SYTL3: variants seen among roughly 807,000 people sequenced by gnomAD.
SYTL3 encodes synaptotagmin-like protein 3.
Under a neutral mutation model 82.1 loss-of-function variants are expected in SYTL3, and 88 were observed. The observed-to-expected ratio is 1.07, with a 90% CI of 0.90 to 1.28. The LOEUF is 1.28. Ranked by LOEUF, SYTL3 falls within the 50% of genes most tolerant of loss-of-function variation. The probability of loss-of-function intolerance (pLI) is 0.00; values close to 1 mark genes in which losing one functional copy is unlikely to be tolerated. For missense variants in SYTL3, 831 were observed against 757.6 expected, an observed-to-expected ratio of 1.10 and a Z score of -1.14; for synonymous variants, 311 against 289.4, an observed-to-expected ratio of 1.07 and a Z score of -0.76.
chr6:158,701,735 A>T (rs1199590739), intron 6 of SYTL3, among the ~76,000 whole-genome samples: 3 of 151,864 alleles, frequency 2.0e-5, no homozygotes, highest in Non-Finnish European at 4.4e-5. Context: ...AGAGTGCCAC[A>T]ACCTGGGGAT....
chr6:158,723,200 T>C (rs1784333987), intron 10 of SYTL3, among the ~76,000 whole-genome samples: 1 of 150,746 alleles, frequency 6.6e-6, no homozygotes, highest in African/African-American at 2.4e-5. Flanking sequence ...GTTCAAGTGA[T>C]TCTCCTGCCT....
intron 11 of SYTL3, 145 bp from the exon 12 acceptor site, chr6:158,745,335 A>C (rs1787488070): frequency 1.5e-6 from 1 of 688,886 alleles, no homozygotes; most frequent in Non-Finnish European, 2.3e-6. Flanking sequence ...TTATTTTGGC[A>C]AAGTACAAGC....
At chr6:158,760,543 G>C (rs576330713) in intron 14 of SYTL3, 97 bp from the exon 15 acceptor site, 3 of 1,023,694 alleles carry the variant, frequency 2.9e-6, no homozygotes, top group African/African-American at 3.2e-5. Context: ...GGGGCCAGGG[G>C]GAAGCATCTG....
At chr6:158,754,065 AG>A (rs1452700002) in intron 13 of SYTL3, among the ~76,000 whole-genome samples, 1 of 152,184 alleles carries the variant, frequency 6.6e-6, no homozygotes, top group African/African-American at 2.4e-5. Flanking sequence ...ACCTTTGTGC[AG>A]CACCCAGGCT....
chr6:158,661,457 C>T (rs1789367582), intron 3 of SYTL3, 72 bp downstream of exon 3: 1 of 152,192 alleles, frequency 6.6e-6, no homozygotes, highest in African/African-American at 2.4e-5. Flanking sequence ...GAGAACAGGT[C>T]TTGTGGGTGC....
In SYTL3 at chr6:158,725,612, C is replaced by T. The variant is rs963768190; in HGVS notation, c.830C>T (p.Thr277Ile). Residue 277 changes from threonine (T) to isoleucine (I), a missense_variant, in exon 11 of 18, where the codon ACC becomes ATC. Thr to Ile is a moderately conservative substitution (Grantham distance 89). Coordinates refer to ENST00000611299, the MANE Select transcript of SYTL3 (RefSeq NM_001242394.2). ...CTCCCATCCAGTCCGGCACCCAGTA[C>T]CATATTCTCTGGAGGTTTTAGACAC... ...QNLPSSPAPS[T>I]IFSGGFRHGS... 3.1e-6 allele frequency: 5 copies of T among 1,614,150 alleles called. No homozygotes were observed. In the East Asian group the frequency reaches 6.7e-5, roughly 22 times the overall value.
At chr6:158,757,647 G>C (rs1789313379) in intron 14 of SYTL3, among the ~76,000 whole-genome samples, 1 of 152,206 alleles carries the variant, frequency 6.6e-6, no homozygotes. Flanking sequence ...ATCAGGTCCT[G>C]TGGCTTCCCC....
At chr6:158,663,668 C>T (rs1334979391) in intron 4 of SYTL3, 14 of 930,374 alleles carry the variant, frequency 1.5e-5, no homozygotes, top group African/African-American at 1.8e-5. Context: ...TTGCCGACTT[C>T]GTGGGAATCA....
intron 10 of SYTL3, among the ~76,000 whole-genome samples, chr6:158,721,422 GCTGGTCTCAAACTC>G (rs1784097187): frequency 6.6e-6 from 1 of 151,910 alleles, no homozygotes; most frequent in Admixed American, 6.6e-5. Context: ...TGTTGCCCAG[GCTGGTCTCAAACTC>G]CTGGGCTCAA....
chr6:158,713,003 G>A (rs193227370), intron 8 of SYTL3, among the ~76,000 whole-genome samples: 6 of 151,856 alleles, frequency 4.0e-5, no homozygotes, highest in Admixed American at 1.3e-4. Context: ...CTCGTGATCC[G>A]CCCGCCTCGG....
chr6:158,732,666 A>G lies in SYTL3; in HGVS notation c.855+7029A>G, dbSNP rs565334511. ...AGACCAGTTTTACCTCGTGTCTCCA[A>G]TGACGAAGGAAAAATTTGGCGTACC... On this transcript the variant is annotated intron_variant, in intron 11 of 17. Coordinates refer to ENST00000611299, the MANE Select transcript of SYTL3 (RefSeq NM_001242394.2). 3.3e-5 allele frequency among the ~76,000 whole-genome samples: 5 copies of G among 152,324 alleles called. No individual in the cohort carries two copies. The South Asian group carries it at 8.3e-4, about 25-fold the overall frequency.
At chr6:158,754,233 C>T (rs532350288) in intron 13 of SYTL3, among the ~76,000 whole-genome samples, 33 of 152,324 alleles carry the variant, frequency 2.2e-4, no homozygotes, top group Admixed American at 1.9e-3. Context: ...GCAAGCCTTT[C>T]TGGACCCAGG....
chr6:158,685,370 G>C (rs540698967), intron 6 of SYTL3, among the ~76,000 whole-genome samples: 37 of 151,842 alleles, frequency 2.4e-4, no homozygotes, highest in Non-Finnish European at 4.7e-4. Flanking sequence ...CACGCCCCAT[G>C]TCTGACTAAT....
At chr6:158,747,266 C>A (rs1787782799) in intron 12 of SYTL3, among the ~76,000 whole-genome samples, 1 of 152,242 alleles carries the variant, frequency 6.6e-6, no homozygotes, top group African/African-American at 2.4e-5. Flanking sequence ...GGATTACAGG[C>A]ATGAACCACT....
At chr6:158,731,409 G>A (rs1785397599) in intron 11 of SYTL3, among the ~76,000 whole-genome samples, 1 of 151,890 alleles carries the variant, frequency 6.6e-6, no homozygotes, top group African/African-American at 2.4e-5. Flanking sequence ...AAAAACTCAA[G>A]CTAGCCTAGG....
chr6:158,654,743 TG>T (rs1165053527), intron 2 of SYTL3, among the ~76,000 whole-genome samples: 47 of 152,166 alleles, frequency 3.1e-4, no homozygotes, highest in South Asian at 4.1e-4. Context: ...TGAGAGCACG[TG>T]GCTGAGTCCT....
chr6:158,652,330 G>A (rs147779662), intron 2 of SYTL3, among the ~76,000 whole-genome samples: 1,851 of 151,648 alleles, frequency 0.012, 33 homozygotes, highest in African/African-American at 0.043. Flanking sequence ...CTCACTGCAA[G>A]CTCTGCCTCC....
At chr6:158,725,686 T>A (rs532894331) in intron 11 of SYTL3, 49 bp downstream of exon 11, 1 of 1,597,648 alleles carries the variant, frequency 6.3e-7, no homozygotes, top group African/African-American at 1.4e-5. Flanking sequence ...TTTTTGTTTT[T>A]TTGGAAAGCA....
intron 7 of SYTL3, among the ~76,000 whole-genome samples, 167 bp downstream of exon 7, chr6:158,707,448 A>G (rs1467340525): frequency 6.6e-6 from 1 of 151,988 alleles, no homozygotes. Context: ...AGATTAAAGC[A>G]GAGATGTTTC....
Sources: allele counts gnomAD v4.1 joint callset (sites outside exome capture counted in the v4.1 genomes callset), GRCh38; gene constraint gnomAD v4.1.1; transcripts MANE v1.5; gene names NCBI Gene and HGNC (gene_info 2026-07-23, HGNC 2026-07-21).